Variants in ATP13A4 observed in about 807,000 individuals in gnomAD.
The protein encoded by ATP13A4 is probable cation-transporting ATPase 13A4.
In ATP13A4, 114 loss-of-function variants were observed where a neutral mutation model predicts 142.5. That is an observed-to-expected ratio of 0.80 (90% CI 0.69 to 0.93). The LOEUF is 0.93. Among genes scored for constraint, ATP13A4 ranks in the 40% least tolerant of loss-of-function variants. The pLI, the probability that ATP13A4 is intolerant of heterozygous loss-of-function variation, is 0.00. For missense variants in ATP13A4, 1,392 were observed against 1,454.0 expected, an observed-to-expected ratio of 0.96 and a Z score of 0.69; for synonymous variants, 488 against 514.8, an observed-to-expected ratio of 0.95 and a Z score of 0.70.
chr3:193,456,662 T>TG (rs1717630774), intron 16 of ATP13A4, among the ~76,000 whole-genome samples: 1 of 151,988 alleles, frequency 6.6e-6, no homozygotes, highest in South Asian at 2.1e-4. Flanking sequence ...CCACCAACTA[T>TG]TGAAGTGATG....
chr3:193,533,423 C>T (rs998483110), intron 1 of ATP13A4, among the ~76,000 whole-genome samples: 1 of 152,028 alleles, frequency 6.6e-6, no homozygotes. Context: ...ACATATTTTG[C>T]CAGCATATGT....
intron 1 of ATP13A4, among the ~76,000 whole-genome samples, chr3:193,586,120 T>C (rs113136797): frequency 2.8e-5 from 4 of 140,754 alleles, no homozygotes; most frequent in East Asian, 4.2e-4. Flanking sequence ...CACACACATA[T>C]ACACACACAC....
In ATP13A4 at chr3:193,502,503, G is replaced by C; in HGVS notation, c.371C>G (p.Pro124Arg). 1 of 1,613,992 alleles carries C rather than the reference G, an allele frequency of 6.2e-7. No individual in the cohort carries two copies. The highest frequency in any genetic ancestry group is 8.5e-7 in the Non-Finnish European group (1 of 1,179,952). The change falls in exon 3 of 30, where the codon CCA (proline) becomes CGA (arginine). Residue 124 changes from proline (P) to arginine (R), a missense_variant. Transcript: ENST00000342695. ...CATAAGTTTACTTACCTTTAGGTCT[G>C]GCTTTCTTATGGCTCTATTTATGAT... ...EYIINRAIRK[P>R]DLKVRCIKVQ...
At position 193,402,867 on chromosome 3, in the gene ATP13A4, G is replaced by A; in HGVS notation, c.3379-3C>T. 1 of 1,613,384 alleles carries A rather than the reference G, an allele frequency of 6.2e-7. No homozygotes were observed. Among genetic ancestry groups the A allele is most frequent in the Non-Finnish European group, 8.5e-7 (1 of 1,179,550 alleles). The stretch of plus-strand genomic sequence containing the variant: ...GCTCGATTTTCAATAACAGCCTCCT[G>A]CAAAATAAAATAATTACTTTTTACA... On this transcript the variant is annotated splice_region_variant and splice_polypyrimidine_tract_variant and intron_variant, in intron 29 of 29. Transcript: ENST00000342695.
intron 2 of ATP13A4, among the ~76,000 whole-genome samples, chr3:193,573,289 A>ATATG (rs1491375782): frequency 1.2e-5 from 1 of 81,080 alleles, no homozygotes; most frequent in African/African-American, 5.3e-5. Context: ...ATATATATAT[A>ATATG]CACATATATA....
chr3:193,437,272 T>C (rs1019804770), intron 23 of ATP13A4, among the ~76,000 whole-genome samples: 5 of 151,810 alleles, frequency 3.3e-5, no homozygotes, highest in African/African-American at 1.2e-4. Context: ...CCACCCCATC[T>C]GAAGCAGCTG....
intron 1 of ATP13A4, among the ~76,000 whole-genome samples, chr3:193,592,548 G>A (rs1026064765): frequency 3.3e-5 from 5 of 152,234 alleles, no homozygotes; most frequent in African/African-American, 1.2e-4. Flanking sequence ...TAGGGAGCTG[G>A]TGGAGGCCTT....
At chr3:193,579,186 G>T (rs1370311945) in intron 2 of ATP13A4, 1 of 156,912 alleles carries the variant, frequency 6.4e-6, no homozygotes, top group Non-Finnish European at 1.4e-5. Flanking sequence ...TCCAAACAGA[G>T]GTATCAATGG....
Position 193,574,014 on chromosome 3 carries a change from A to T in ATP13A4, n.291+7693T>A, listed in dbSNP as rs77704652. On this transcript the variant is annotated intron_variant and non_coding_transcript_variant, in intron 2 of 3. Transcript: ENST00000489140. ...GGAGGGAGGAGAGTAAACAGGAACT[A>T]ATCTACATACAGACATGTATATATG... 2.9e-3 allele frequency among the ~76,000 whole-genome samples: 441 copies of T among 152,324 alleles called. 3 individuals carry two copies. The highest frequency in any genetic ancestry group is 0.016 in the South Asian group (79 of 4,824).
chr3:193,428,349 T>C (rs1715783528), intron 25 of ATP13A4, among the ~76,000 whole-genome samples: 1 of 152,208 alleles, frequency 6.6e-6, no homozygotes, highest in African/African-American at 2.4e-5. Flanking sequence ...GGTGGGACTG[T>C]AAACTGGTTC....
At chr3:193,481,161 C>G (rs1030960515) in intron 8 of ATP13A4, among the ~76,000 whole-genome samples, 1 of 152,204 alleles carries the variant, frequency 6.6e-6, no homozygotes, top group Non-Finnish European at 1.5e-5. Flanking sequence ...AAAGAGTACA[C>G]ACTGGGTGCA....
At chr3:193,581,307 A>G (rs1724540070) in intron 2 of ATP13A4, among the ~76,000 whole-genome samples, 1 of 152,142 alleles carries the variant, frequency 6.6e-6, no homozygotes, top group Admixed American at 6.6e-5. Flanking sequence ...ATTTTTTTCC[A>G]TCACTTTCTT....
intron 8 of ATP13A4, among the ~76,000 whole-genome samples, chr3:193,475,623 A>G (rs572872535): frequency 1.3e-5 from 2 of 152,156 alleles, no homozygotes; most frequent in South Asian, 2.1e-4. Flanking sequence ...CTTCTGTCTT[A>G]CAGATTTGAC....
intron 1 of ATP13A4, among the ~76,000 whole-genome samples, chr3:193,544,611 G>A (rs1011315546): frequency 6.6e-6 from 1 of 152,152 alleles, no homozygotes; most frequent in Non-Finnish European, 1.5e-5. Flanking sequence ...AAAAGTGAAG[G>A]AGTATCCAGA....
intron 25 of ATP13A4, among the ~76,000 whole-genome samples, chr3:193,415,571 G>A (rs545599790): frequency 3.9e-5 from 6 of 152,280 alleles, no homozygotes; most frequent in Admixed American, 1.3e-4. Flanking sequence ...GTTACAAAAG[G>A]AGCATAGCAG....
chr3:193,445,600 T>C (rs1294437817), intron 18 of ATP13A4, among the ~76,000 whole-genome samples: 1 of 150,856 alleles, frequency 6.6e-6, no homozygotes. Context: ...CTACTAAAAA[T>C]ACAAAAATTA....
chr3:193,481,484 C>T (rs1373929101), intron 8 of ATP13A4, among the ~76,000 whole-genome samples: 1 of 152,154 alleles, frequency 6.6e-6, no homozygotes, highest in Non-Finnish European at 1.5e-5. Context: ...TGTATCACTG[C>T]ACTTATGGCT....
At chr3:193,416,311 G>A (rs1055766623) in intron 25 of ATP13A4, among the ~76,000 whole-genome samples, 4 of 152,142 alleles carry the variant, frequency 2.6e-5, no homozygotes, top group African/African-American at 9.7e-5. Context: ...ATATTCAACA[G>A]AGCAAAATAA....
chr3:193,563,344 A>G (rs1443215799), intron 2 of ATP13A4, among the ~76,000 whole-genome samples: 1 of 152,200 alleles, frequency 6.6e-6, no homozygotes, highest in African/African-American at 2.4e-5. Flanking sequence ...AAAATGAGAG[A>G]AAATGAAAGC....
Sources: allele counts gnomAD v4.1 joint callset (sites outside exome capture counted in the v4.1 genomes callset), GRCh38; gene constraint gnomAD v4.1.1; transcripts MANE v1.5; gene names NCBI Gene and HGNC (gene_info 2026-07-23, HGNC 2026-07-21).